CCM2: variants seen among roughly 807,000 people sequenced by gnomAD.
The protein encoded by CCM2 is cerebral cavernous malformations 2 protein.
In CCM2, 25 loss-of-function variants were observed where a neutral mutation model predicts 44.9. That is an observed-to-expected ratio of 0.56 (90% confidence interval 0.41 to 0.78). CCM2 has a LOEUF of 0.78. Among genes scored for constraint, CCM2 ranks in the 30% least tolerant of loss-of-function variants. The probability of loss-of-function intolerance (pLI) is 0.00; values close to 1 mark genes in which losing one functional copy is unlikely to be tolerated. For synonymous variants in CCM2, 219 were observed against 241.1 expected, an observed-to-expected ratio of 0.91 and a Z score of 0.85; for missense variants, 481 against 580.6, an observed-to-expected ratio of 0.83 and a Z score of 1.76.
rs368035399 is a variant in CCM2 at position 45,076,079 on chromosome 7, C to T, written c.*22C>T. 1 of 1,612,548 alleles carries T rather than the reference C, an allele frequency of 6.2e-7. No individual in the cohort carries two copies. The highest frequency in any genetic ancestry group is 8.5e-7 in the Non-Finnish European group (1 of 1,179,972). ...ATGATGGACAGTGGATGGGGGGGCACCCACACCTTCCGCGCAGTCGTCATA... is the reference window on the plus strand; with the variant it reads ...ATGATGGACAGTGGATGGGGGGGCATCCACACCTTCCGCGCAGTCGTCATA... On this transcript the variant is annotated 3_prime_UTR_variant, in exon 10 of 10. Transcript: ENST00000258781.
intron 9 of CCM2, among the ~76,000 whole-genome samples, chr7:45,074,977 G>A (rs1313375029): frequency 6.6e-6 from 1 of 152,220 alleles, no homozygotes; most frequent in African/African-American, 2.4e-5. Flanking sequence ...TTGCGGTAAT[G>A]TGTTGCTAGT....
At chr7:45,029,799 G>A (rs1254981702) in intron 1 of CCM2, among the ~76,000 whole-genome samples, 3 of 152,180 alleles carry the variant, frequency 2.0e-5, no homozygotes, top group Non-Finnish European at 4.4e-5. Context: ...TGTGAGGAGG[G>A]CATTCTCACT....
intron 6 of CCM2, chr7:45,070,926 T>C (rs73109806): frequency 0.053 from 8,166 of 153,374 alleles, 261 homozygotes; most frequent in African/African-American, 0.079. Context: ...GAGTAAATGG[T>C]GGAGAAGCCT....
Position 45,045,652 on chromosome 7 carries a change from G to A in CCM2, c.204+7226G>A, listed in dbSNP as rs542459929. Reference sequence around the variant, plus strand: ...TAAAAATACAAAAAATTAGCCGGACGTGGTGGCGGGTGCCTGTAGTCCCAG... The same window carrying A: ...TAAAAATACAAAAAATTAGCCGGACATGGTGGCGGGTGCCTGTAGTCCCAG... On this transcript the variant is annotated intron_variant, in intron 2 of 9. Coordinates refer to ENST00000258781, the MANE Select transcript of CCM2 (RefSeq NM_031443.4). Among the ~76,000 whole-genome samples the A allele has an allele frequency of 2.0e-4, 30 of 152,258 alleles. 1 individual carries two copies. Among genetic ancestry groups the A allele is most frequent in the African/African-American group, 6.5e-4 (27 of 41,554 alleles).
chr7:45,063,879 C>T (rs761873104), intron 2 of CCM2, 39 bp from the exon 3 acceptor site: 4 of 1,393,132 alleles, frequency 2.9e-6, no homozygotes, highest in East Asian at 2.3e-5. Flanking sequence ...TGGCTCAGCT[C>T]CCATTTCTCA....
rs1366816772 is a variant in CCM2 at position 45,000,382 on chromosome 7, G to A, written c.30+19G>A. ...CAAGAAGGTGAGCGTGCGCGGGGGC[G>A]TCCTACTGCTGTGGTCGGCGGGCGG... On this transcript the variant is annotated intron_variant, in intron 1 of 9. Transcript: ENST00000258781. 6 of 1,285,052 alleles carry A rather than the reference G, an allele frequency of 4.7e-6. No homozygotes were observed. Among genetic ancestry groups the A allele is most frequent in the Non-Finnish European group, 5.9e-6 (6 of 1,009,540 alleles). The allele number at this position is 1,285,052 out of a possible 1,614,324, so 79.6% of individuals were successfully genotyped here.
chr7:45,062,323 A>G (rs868237820), intron 2 of CCM2, among the ~76,000 whole-genome samples: 2 of 152,312 alleles, frequency 1.3e-5, no homozygotes, highest in South Asian at 4.1e-4. Flanking sequence ...CCCATTTTAA[A>G]AAACAGAAAC....
chr7:45,009,434 T>TCAC (rs1795983211), intron 1 of CCM2, among the ~76,000 whole-genome samples: 1 of 117,602 alleles, frequency 8.5e-6, no homozygotes. Context: ...AGACGGAGTC[T>TCAC]CACTCTGTCA....
At chr7:45,010,513 T>G (rs766313386) in intron 1 of CCM2, among the ~76,000 whole-genome samples, 32 of 152,232 alleles carry the variant, frequency 2.1e-4, no homozygotes, top group Admixed American at 3.3e-4. Flanking sequence ...ATGTTTCAGT[T>G]GCTGAGTAAT....
chr7:45,040,405 G>A (rs1378245440), intron 2 of CCM2, among the ~76,000 whole-genome samples: 31 of 151,358 alleles, frequency 2.0e-4, no homozygotes, highest in African/African-American at 7.3e-4. Context: ...AAAAGTCCCA[G>A]AAAGAATATT....
At position 45,025,426 on chromosome 7, in the gene CCM2, T is replaced by C. The variant is rs1796646318; in HGVS notation, c.31-12827T>C. Among the ~76,000 whole-genome samples, 2 of 152,212 alleles carry C rather than the reference T, an allele frequency of 1.3e-5. 1 individual carries two copies. The highest frequency in any genetic ancestry group is 4.1e-4 in the South Asian group (2 of 4,832). On this transcript the variant is annotated intron_variant, in intron 1 of 9. Transcript: ENST00000258781. The stretch of plus-strand genomic sequence containing the variant: ...ACCCCGCAGTTCTCCTTCACATCAT[T>C]CTTTGGGCTCTCCGCTATGTCCTTG...
chr7:45,043,221 A>T (rs954634415), intron 2 of CCM2, among the ~76,000 whole-genome samples: 1 of 152,074 alleles, frequency 6.6e-6, no homozygotes, highest in African/African-American at 2.4e-5. Flanking sequence ...CTCCCACCTC[A>T]GCCTCCCAAA....
chr7:45,022,595 C>T (rs1046439609), intron 1 of CCM2, among the ~76,000 whole-genome samples: 2 of 151,852 alleles, frequency 1.3e-5, no homozygotes, highest in Non-Finnish European at 2.9e-5. Context: ...CATGAGCCAC[C>T]GTGCCTGGCC....
At chr7:45,037,330 C>G (rs1797271376) in intron 1 of CCM2, among the ~76,000 whole-genome samples, 1 of 151,524 alleles carries the variant, frequency 6.6e-6, no homozygotes, top group South Asian at 2.1e-4. Flanking sequence ...GCAGGATTAG[C>G]CTTCAGAACC....
Position 45,054,337 on chromosome 7 carries a change from A to G in CCM2, c.205-9581A>G, listed in dbSNP as rs555872270. ...CAGTGTTAAGAAGAATTTGAGGACT[A>G]AGGTTCTCAAAGGCATTTACCCAGC... On this transcript the variant is annotated intron_variant, in intron 2 of 9. Coordinates refer to ENST00000258781, the MANE Select transcript of CCM2 (RefSeq NM_031443.4). Among the ~76,000 whole-genome samples the G allele has an allele frequency of 5.9e-5, 9 of 152,182 alleles. No homozygotes were observed. The South Asian group carries it at 1.7e-3, about 28-fold the overall frequency.
chr7:45,042,383 A>G lies in CCM2; in HGVS notation c.204+3957A>G, dbSNP rs146513705. On this transcript the variant is annotated intron_variant, in intron 2 of 9. Coordinates refer to ENST00000258781, the MANE Select transcript of CCM2 (RefSeq NM_031443.4). ...GAGGGAAGGGCTGAAAAACTTTTCA[A>G]AGATCTTATGGGTTGAAACGTTTGG... Among the ~76,000 whole-genome samples, 40 of 152,288 alleles carry G rather than the reference A, an allele frequency of 2.6e-4. 1 individual carries two copies. In the East Asian group the frequency reaches 7.5e-3, roughly 29 times the overall value.
At chr7:45,037,194 GA>G (rs1188152163) in intron 1 of CCM2, among the ~76,000 whole-genome samples, 1 of 150,438 alleles carries the variant, frequency 6.6e-6, no homozygotes, top group Non-Finnish European at 1.5e-5. Flanking sequence ...AGGTGGTGAT[GA>G]AAAGCTTTCT....
intron 2 of CCM2, among the ~76,000 whole-genome samples, chr7:45,059,472 C>T (rs548076722): frequency 2.0e-4 from 30 of 149,978 alleles, no homozygotes; most frequent in African/African-American, 6.9e-4. Context: ...AGGCTGGGTG[C>T]GGTGGCTCAT....
At chr7:45,021,973 A>G (rs1389964978) in intron 1 of CCM2, among the ~76,000 whole-genome samples, 2 of 152,198 alleles carry the variant, frequency 1.3e-5, no homozygotes, top group South Asian at 2.1e-4. Context: ...CTTAAGGAAA[A>G]ATTTTGCTAG....
Sources: gnomAD v4.1 joint callset for allele counts (sites outside exome capture counted in the v4.1 genomes callset) on GRCh38, gnomAD v4.1.1 for gene constraint, MANE v1.5 for transcripts, NCBI Gene and HGNC (gene_info 2026-07-23, HGNC 2026-07-21) for gene names.